ATP8B4: variants seen among roughly 807,000 people sequenced by gnomAD.
The protein encoded by ATP8B4 is ATPase phospholipid transporting 8B4 (putative).
ATP8B4 carries 133 observed loss-of-function variants against 145.6 expected under a neutral mutation model. The ratio of observed to expected loss-of-function variants is 0.91; its 90% CI spans 0.79 to 1.05. ATP8B4 has a LOEUF of 1.05. Ranked by LOEUF, ATP8B4 falls within the 50% of genes least tolerant of loss-of-function variation. The pLI, the probability that ATP8B4 is intolerant of heterozygous loss-of-function variation, is 0.00. For synonymous variants in ATP8B4, 507 were observed against 492.9 expected, an observed-to-expected ratio of 1.03 and a Z score of -0.38; for missense variants, 1,458 against 1,425.2, an observed-to-expected ratio of 1.02 and a Z score of -0.37.
At chr15:49,980,837 C>T (rs747454681) in intron 11 of ATP8B4, among the ~76,000 whole-genome samples, 1 of 152,142 alleles carries the variant, frequency 6.6e-6, no homozygotes, top group Non-Finnish European at 1.5e-5. Flanking sequence ...ATCACACACC[C>T]GTGAAGCCAG....
At position 49,888,344 on chromosome 15, in the gene ATP8B4, T is replaced by G. The variant is rs1002577100; in HGVS notation, c.2698-8885A>C. 2.6e-5 allele frequency among the ~76,000 whole-genome samples: 4 copies of G among 152,138 alleles called. No homozygotes were observed. The East Asian group carries it at 7.7e-4, about 29-fold the overall frequency. On this transcript the variant is annotated intron_variant, in intron 23 of 27. Transcript: ENST00000284509. ...TCTTTCACGTCACTTTCCAAACTTTTTGTTGCTTTATTATACTGTTTGACA... is the reference window on the plus strand; with the variant it reads ...TCTTTCACGTCACTTTCCAAACTTTGTGTTGCTTTATTATACTGTTTGACA...
chr15:50,000,314 C>G (rs982130545), intron 8 of ATP8B4, among the ~76,000 whole-genome samples: 3 of 152,272 alleles, frequency 2.0e-5, no homozygotes, highest in Admixed American at 6.5e-5. Flanking sequence ...TTCCCACCCA[C>G]AATGTATGAA....
chr15:49,959,953 T>C (rs1199137867), intron 14 of ATP8B4, among the ~76,000 whole-genome samples: 1 of 150,082 alleles, frequency 6.7e-6, no homozygotes, highest in Non-Finnish European at 1.5e-5. Flanking sequence ...TTAAGAGAAA[T>C]CTAGGGGAAA....
chr15:50,172,874 C>G (rs2044701850), intron 1 of ATP8B4, among the ~76,000 whole-genome samples: 1 of 151,502 alleles, frequency 6.6e-6, no homozygotes, highest in Non-Finnish European at 1.5e-5. Flanking sequence ...GACCGGCCGC[C>G]CCGTCTGAGA....
At chr15:50,176,552 AAAAC>A (rs1025770425) in intron 1 of ATP8B4, among the ~76,000 whole-genome samples, 3 of 152,168 alleles carry the variant, frequency 2.0e-5, no homozygotes, top group African/African-American at 7.2e-5. Context: ...TAAAAAATAA[AAAAC>A]AAAATAAATA....
At chr15:49,946,582 AC>A (rs1235802650) in intron 14 of ATP8B4, among the ~76,000 whole-genome samples, 1 of 151,098 alleles carries the variant, frequency 6.6e-6, no homozygotes, top group Non-Finnish European at 1.5e-5. Flanking sequence ...CTATTTCCTT[AC>A]ATATCCTGCT....
At chr15:50,029,019 G>A (rs2050214944) in intron 6 of ATP8B4, among the ~76,000 whole-genome samples, 1 of 151,948 alleles carries the variant, frequency 6.6e-6, no homozygotes, top group Non-Finnish European at 1.5e-5. Flanking sequence ...CGGATCATGA[G>A]GTCAGGAGAT....
At chr15:49,932,103 T>C (rs16963106) in intron 15 of ATP8B4, among the ~76,000 whole-genome samples, 8,792 of 151,716 alleles carry the variant, frequency 0.058, 882 homozygotes, top group African/African-American at 0.2. Context: ...TTAAAGACTA[T>C]TAATTAGGCA....
chr15:50,149,520 G>C (rs747184090), intron 1 of ATP8B4, among the ~76,000 whole-genome samples: 2 of 152,106 alleles, frequency 1.3e-5, no homozygotes, highest in African/African-American at 4.8e-5. Flanking sequence ...GAGGTGGTAG[G>C]AAACAACTGC....
chr15:49,893,591 CTAAAGTAGGAA>C (rs1938678483), intron 23 of ATP8B4, among the ~76,000 whole-genome samples: 1 of 152,026 alleles, frequency 6.6e-6, no homozygotes, highest in Non-Finnish European at 1.5e-5. Context: ...TATGAGGTAT[CTAAAGTAGGAA>C]AACTCATAGA....
At chr15:49,999,223 T>G (rs992764666) in intron 8 of ATP8B4, among the ~76,000 whole-genome samples, 1 of 152,036 alleles carries the variant, frequency 6.6e-6, no homozygotes, top group Non-Finnish European at 1.5e-5. Context: ...GATGAGTTCA[T>G]GTCCTTTGTA....
At chr15:49,947,859 G>C (rs1476357137) in intron 14 of ATP8B4, among the ~76,000 whole-genome samples, 1 of 151,190 alleles carries the variant, frequency 6.6e-6, no homozygotes, top group East Asian at 1.9e-4. Flanking sequence ...AGGGTTCCAA[G>C]ACTATACAGC....
In ATP8B4 at chr15:49,963,333, C is replaced by A. The variant is rs138331870; in HGVS notation, c.1244-1313G>T. Among the ~76,000 whole-genome samples the A allele has an allele frequency of 9.9e-5, 15 of 152,230 alleles. No homozygotes were observed. The East Asian group carries it at 2.9e-3, about 29-fold the overall frequency. On this transcript the variant is annotated intron_variant, in intron 13 of 27. Transcript: ENST00000284509. ...ACAGTGGGACTGGAAATTAGTTCAA[C>A]CATTGTGGAAGACAGTGTGGCGATT...
At chr15:49,919,793 G>A (rs1363379651) in intron 18 of ATP8B4, among the ~76,000 whole-genome samples, 4 of 152,174 alleles carry the variant, frequency 2.6e-5, no homozygotes, top group Non-Finnish European at 5.9e-5. Context: ...GGCCACTGGG[G>A]CTTCAGGTAA....
chr15:50,159,385 C>T (rs1297959269), intron 1 of ATP8B4, among the ~76,000 whole-genome samples: 1 of 152,148 alleles, frequency 6.6e-6, no homozygotes, highest in Non-Finnish European at 1.5e-5. Flanking sequence ...CAGTTCTAAT[C>T]GTTTTTTAGC....
At chr15:49,950,293 C>CT (rs1371126205) in intron 14 of ATP8B4, among the ~76,000 whole-genome samples, 3 of 151,926 alleles carry the variant, frequency 2.0e-5, no homozygotes, top group Non-Finnish European at 2.9e-5. Flanking sequence ...TGGTCCTGGG[C>CT]TTTTTTTGGT....
intron 5 of ATP8B4, among the ~76,000 whole-genome samples, chr15:50,042,170 AACT>A (rs1056970850): frequency 6.6e-5 from 10 of 151,970 alleles, no homozygotes; most frequent in African/African-American, 2.2e-4. Flanking sequence ...AAAAAAAAAA[AACT>A]AACTAACCTC....
At chr15:49,978,572 G>C (rs1471891050) in intron 12 of ATP8B4, among the ~76,000 whole-genome samples, 1 of 152,108 alleles carries the variant, frequency 6.6e-6, no homozygotes, top group Non-Finnish European at 1.5e-5. Context: ...GGGATTTGGA[G>C]CTGATGATTT....
intron 14 of ATP8B4, among the ~76,000 whole-genome samples, chr15:49,945,919 T>A: frequency 6.6e-6 from 1 of 152,118 alleles, no homozygotes; most frequent in East Asian, 1.9e-4. Flanking sequence ...AACTGAAAGC[T>A]TTTTCTGTAA....
Sources: allele counts gnomAD v4.1 joint callset (sites outside exome capture counted in the v4.1 genomes callset), GRCh38; gene constraint gnomAD v4.1.1; transcripts MANE v1.5; gene names NCBI Gene and HGNC (gene_info 2026-07-23, HGNC 2026-07-21).